Variants in LIX1 observed in about 807,000 individuals in gnomAD.
LIX1 encodes limb and CNS expressed 1, also known as protein limb expression 1 homolog.
In LIX1, 24 loss-of-function variants were observed where a neutral mutation model predicts 33.4. That is an observed-to-expected ratio of 0.72 (90% CI 0.52 to 1.01). The LOEUF is 1.01. Among genes scored for constraint, LIX1 ranks in the 50% least tolerant of loss-of-function variants. The pLI, the probability that LIX1 is intolerant of heterozygous loss-of-function variation, is 0.00. For missense variants in LIX1, 311 were observed against 339.2 expected (o/e 0.92, Z 0.65); for synonymous variants, 124 against 124.0 (o/e 1.00, Z 0.00).
In LIX1 at chr5:97,092,167, C is replaced by T. The variant is rs1324158424; in HGVS notation, c.*2581G>A. On this transcript the variant is annotated 3_prime_UTR_variant, in exon 6 of 6. Transcript: ENST00000274382. ...TTCTAAACAAGAATCTAAAGATCCC[C>T]TAGGGCAATCTCTGGACTTTGGGGG... The T allele has an allele frequency of 1.3e-5, 2 of 152,302 alleles. No homozygotes were observed. The highest frequency in any genetic ancestry group is 2.4e-5 in the African/African-American group (1 of 41,430). 9.4% of individuals were successfully genotyped at this position (152,302 alleles called of 1,614,324 possible).
At chr5:97,133,722 A>G (rs1375881363) in intron 1 of LIX1, among the ~76,000 whole-genome samples, 4 of 152,246 alleles carry the variant, frequency 2.6e-5, no homozygotes, top group African/African-American at 9.6e-5. Flanking sequence ...ATGTCTCAAA[A>G]TTTGAAAATG....
In LIX1 at chr5:97,141,898, C is replaced by T. The variant is rs541035900; in HGVS notation, c.82+597G>A. Among the ~76,000 whole-genome samples, 11 of 152,134 alleles carry T rather than the reference C, an allele frequency of 7.2e-5. No individual in the cohort carries two copies. The East Asian group carries it at 1.5e-3, about 21-fold the overall frequency. ...AAAAAAGATTTTGAAATAACTTTGC[C>T]ATGCTGTATAAATTGGTGATGGTGG... On this transcript the variant is annotated intron_variant, in intron 1 of 5. Transcript: ENST00000274382.
chr5:97,128,557 A>G (rs1184840824), intron 1 of LIX1, among the ~76,000 whole-genome samples: 2 of 152,112 alleles, frequency 1.3e-5, no homozygotes, highest in Admixed American at 1.3e-4. Context: ...GTTATCAGAC[A>G]CTGCCATTTG....
chr5:97,140,927 G>A (rs982688196), intron 1 of LIX1, among the ~76,000 whole-genome samples: 4 of 152,116 alleles, frequency 2.6e-5, no homozygotes, highest in Non-Finnish European at 5.9e-5. Context: ...ACACTTATTT[G>A]TTCTCCCATA....
chr5:97,096,564 T>A (rs1040825859), intron 5 of LIX1, among the ~76,000 whole-genome samples: 1 of 152,196 alleles, frequency 6.6e-6, no homozygotes, highest in Non-Finnish European at 1.5e-5. Flanking sequence ...TATGATCCTT[T>A]CGGTTTGCAT....
At chr5:97,116,092 C>G (rs1056040809) in intron 2 of LIX1, among the ~76,000 whole-genome samples, 8 of 152,146 alleles carry the variant, frequency 5.3e-5, no homozygotes, top group African/African-American at 1.9e-4. Context: ...TGCGTACTGC[C>G]TGACAGCTCT....
chr5:97,134,716 G>T (rs1186769430), intron 1 of LIX1, among the ~76,000 whole-genome samples: 1 of 152,184 alleles, frequency 6.6e-6, no homozygotes, highest in East Asian at 1.9e-4. Flanking sequence ...CTTGTGCTGG[G>T]CTTAGCTGAA....
At chr5:97,116,816 ATG>A (rs1339217680) in intron 2 of LIX1, among the ~76,000 whole-genome samples, 2 of 151,880 alleles carry the variant, frequency 1.3e-5, no homozygotes, top group Admixed American at 1.3e-4. Context: ...TTAGGGAGAG[ATG>A]GAGTCAGGCT....
At chr5:97,097,862 C>A (rs1387355372) in intron 4 of LIX1, among the ~76,000 whole-genome samples, 1 of 152,112 alleles carries the variant, frequency 6.6e-6, no homozygotes, top group Non-Finnish European at 1.5e-5. Context: ...AGAGAGATAA[C>A]AGCCAAATCC....
rs56876243 is a variant in LIX1, at chr5:97,106,711, T to TA, written c.387+648dup. ...GACAAATATCCTGTCTTATATTGCT[T>TA]AAAAAAAAATCCTATCTAATTTTTA... On this transcript the variant is annotated intron_variant, in intron 3 of 5. Transcript: ENST00000274382. Among the ~76,000 whole-genome samples the TA allele has an allele frequency of 3.6e-4, 54 of 151,794 alleles. No individual in the cohort carries two copies. In the East Asian group the frequency reaches 9.3e-3, roughly 26 times the overall value.
intron 1 of LIX1, among the ~76,000 whole-genome samples, chr5:97,141,184 T>C (rs995179991): frequency 3.3e-5 from 5 of 152,168 alleles, no homozygotes; most frequent in African/African-American, 9.7e-5. Flanking sequence ...CCTGGTCCTA[T>C]ACAATTTATC....
At chr5:97,105,323 T>C (rs1424925400) in intron 3 of LIX1, 38 bp from the exon 4 acceptor site, 4 of 1,539,824 alleles carry the variant, frequency 2.6e-6, no homozygotes, top group Admixed American at 3.4e-5. Flanking sequence ...ATTACTGATT[T>C]TTCCTCCTCT....
In LIX1 at chr5:97,142,519, C is replaced by A; in HGVS notation, c.58G>T (p.Asp20Tyr). Residue 20 changes from aspartate to tyrosine, a missense_variant, in exon 1 of 6, where the codon GAT becomes TAT. Transcript: ENST00000274382. ...CAGTCTTTGAAGACTAGAGCCGGAT[C>A]TCTGTGAGGCAAGACTTGGGCAATG... ...HIIAQVLPHR[D>Y]PALVFKDLNV... The A allele has an allele frequency of 6.2e-7, 1 of 1,614,078 alleles. No homozygotes were observed. The highest frequency in any genetic ancestry group is 8.5e-7 in the Non-Finnish European group (1 of 1,179,914).
At chr5:97,131,367 G>A (rs1388429487) in intron 1 of LIX1, among the ~76,000 whole-genome samples, 2 of 152,138 alleles carry the variant, frequency 1.3e-5, no homozygotes, top group African/African-American at 4.8e-5. Context: ...CCTCCATTGT[G>A]TCTTACTCAC....
At chr5:97,129,368 T>C (rs1425358427) in intron 1 of LIX1, among the ~76,000 whole-genome samples, 2 of 152,176 alleles carry the variant, frequency 1.3e-5, no homozygotes, top group Admixed American at 1.3e-4. Flanking sequence ...ACCCTAGGCC[T>C]TCTGAAATAT....
chr5:97,111,588 A>C (rs553574481), intron 2 of LIX1, among the ~76,000 whole-genome samples: 2 of 152,368 alleles, frequency 1.3e-5, no homozygotes, highest in African/African-American at 2.4e-5. Flanking sequence ...TTAGCTTTAC[A>C]AAATCTATCA....
At chr5:97,101,706 C>G (rs906748778) in intron 4 of LIX1, 1 of 152,108 alleles carries the variant, frequency 6.6e-6, no homozygotes, top group Non-Finnish European at 1.5e-5. Context: ...TTGGGCTTTT[C>G]AGCTACTTGT....
In LIX1 at chr5:97,094,597, T is replaced by C. The variant is rs1746246870; in HGVS notation, c.*151A>G. 2 of 680,888 alleles carry C rather than the reference T, an allele frequency of 2.9e-6. No homozygotes were observed. The allele number at this position is 680,888 out of a possible 1,614,324, so 42.2% of individuals were successfully genotyped here. Reference sequence around the variant, plus strand: ...TTGGGTCTTGTAAGGGTCCTACGACTCTCATACTCTGTAAATGGAATGTGT... The same window carrying C: ...TTGGGTCTTGTAAGGGTCCTACGACCCTCATACTCTGTAAATGGAATGTGT... On this transcript the variant is annotated 3_prime_UTR_variant, in exon 6 of 6. Coordinates refer to ENST00000274382, the MANE Select transcript of LIX1 (RefSeq NM_153234.5).
At chr5:97,122,786 G>A (rs1039115787) in intron 2 of LIX1, among the ~76,000 whole-genome samples, 1 of 152,112 alleles carries the variant, frequency 6.6e-6, no homozygotes, top group African/African-American at 2.4e-5. Context: ...CACAAGCAGT[G>A]CTGACCACCA....
Sources: gnomAD v4.1 joint callset for allele counts (sites outside exome capture counted in the v4.1 genomes callset) on GRCh38, gnomAD v4.1.1 for gene constraint, MANE v1.5 for transcripts, NCBI Gene and HGNC (gene_info 2026-07-23, HGNC 2026-07-21) for gene names.